Variants in APLP2 observed in about 807,000 individuals in gnomAD.
The protein encoded by APLP2 is CDEI box-binding protein.
A neutral mutation model predicts 89.9 loss-of-function variants in APLP2; 53 were observed. The observed-to-expected ratio is 0.59, with a 90% CI of 0.47 to 0.74. The LOEUF is 0.74. Ranked by LOEUF, APLP2 falls within the 30% of genes least tolerant of loss-of-function variation. APLP2 has a pLI of 0.00. For missense variants in APLP2, 973 were observed against 975.9 expected (o/e 1.00, Z 0.04); for synonymous variants, 372 against 348.6 (o/e 1.07, Z -0.75).
intron 1 of APLP2, among the ~76,000 whole-genome samples, chr11:130,080,851 C>T (rs995937339): frequency 3.3e-5 from 5 of 150,842 alleles, no homozygotes; most frequent in Non-Finnish European, 5.9e-5. Flanking sequence ...TGCCCGCCAC[C>T]GTGCCTGGCT....
intron 1 of APLP2, among the ~76,000 whole-genome samples, chr11:130,073,795 G>A (rs1284897716): frequency 6.6e-6 from 1 of 152,148 alleles, no homozygotes; most frequent in Non-Finnish European, 1.5e-5. Flanking sequence ...TCACACCACT[G>A]CACTCCAGCC....
chr11:130,105,536 A>G (rs1479278494), intron 1 of APLP2, among the ~76,000 whole-genome samples: 8 of 152,146 alleles, frequency 5.3e-5, no homozygotes, highest in Non-Finnish European at 1.2e-4. Context: ...CTCCTCCTCT[A>G]CAAGTTTTAA....
chr11:130,104,910 GCTTC>G lies in APLP2; in HGVS notation c.106-4514_106-4511del, dbSNP rs1035435282. Among the ~76,000 whole-genome samples the G allele has an allele frequency of 6.9e-4, 105 of 152,298 alleles. 2 individuals carry two copies. The highest frequency in any genetic ancestry group is 2.4e-3 in the African/African-American group (99 of 41,558). On this transcript the variant is annotated intron_variant, in intron 1 of 16. Transcript: ENST00000338167. ...TCCCAGCTGTCCAACAAGGGTTGGT[GCTTC>G]CTTCTCTTATACTAGTAGAAAGCAG...
intron 3 of APLP2, among the ~76,000 whole-genome samples, chr11:130,116,671 C>T (rs1211319402): frequency 6.6e-6 from 1 of 151,956 alleles, no homozygotes; most frequent in Non-Finnish European, 1.5e-5. Context: ...GGGGTTTCCC[C>T]ATGTTGGCCA....
chr11:130,088,146 T>C (rs893807755), intron 1 of APLP2, among the ~76,000 whole-genome samples: 17 of 152,200 alleles, frequency 1.1e-4, no homozygotes, highest in South Asian at 8.3e-4. Context: ...TGAATTCAGA[T>C]GGCCCCAAAA....
rs912135386 is a variant in APLP2 at position 130,070,453 on chromosome 11, G to T, written c.105+371G>T. The T allele has an allele frequency of 2.0e-5, 12 of 592,678 alleles. No homozygotes were observed. The Admixed American group carries it at 3.7e-4, about 18-fold the overall frequency. The allele number at this position is 592,678 out of a possible 1,614,324, so 36.7% of individuals were successfully genotyped here. On this transcript the variant is annotated intron_variant, in intron 1 of 16. Transcript: ENST00000338167. The stretch of plus-strand genomic sequence containing the variant: ...AATGCCAGGGCGCTCCTCTCCCGCC[G>T]GAGTCCGCGGCTGGGCTTTCTCCAG...
intron 1 of APLP2, among the ~76,000 whole-genome samples, chr11:130,088,608 G>A (rs1349761873): frequency 6.6e-6 from 1 of 151,792 alleles, no homozygotes; most frequent in Non-Finnish European, 1.5e-5. Context: ...GAGACCTCAG[G>A]CAGTCTAGTC....
intron 1 of APLP2, chr11:130,101,800 C>T (rs1472190400): frequency 2.7e-6 from 1 of 373,058 alleles, no homozygotes; most frequent in Non-Finnish European, 5.3e-6. Flanking sequence ...TGCACTGGCA[C>T]AGCACTGTTA....
At chr11:130,091,828 C>A (rs866188133) in intron 1 of APLP2, among the ~76,000 whole-genome samples, 1 of 149,736 alleles carries the variant, frequency 6.7e-6, no homozygotes, top group African/African-American at 2.5e-5. Flanking sequence ...CTGACCCCCC[C>A]CCACCTCCCT....
intron 13 of APLP2, chr11:130,137,366 C>A: frequency 7.4e-7 from 1 of 1,355,610 alleles, no homozygotes; most frequent in Non-Finnish European, 1.1e-6. Context: ...GCTTCATGTT[C>A]TGTTTCATGC....
chr11:130,138,581 GTTTTT>G (rs34805457), intron 13 of APLP2, among the ~76,000 whole-genome samples: 4 of 91,388 alleles, frequency 4.4e-5, no homozygotes, highest in Non-Finnish European at 6.0e-5. Flanking sequence ...CTGGTGGTAG[GTTTTT>G]TTTTTTTTTT....
intron 1 of APLP2, among the ~76,000 whole-genome samples, chr11:130,084,482 T>C (rs1943772200): frequency 6.6e-6 from 1 of 152,230 alleles, no homozygotes; most frequent in Admixed American, 6.5e-5. Flanking sequence ...TATTGGCTTA[T>C]AGTGTTCTTT....
chr11:130,070,356 CCCGCCCGCGGCG>C (rs962060426), intron 1 of APLP2, among the ~76,000 whole-genome samples: 4 of 151,340 alleles, frequency 2.6e-5, no homozygotes, highest in Non-Finnish European at 5.9e-5. Flanking sequence ...CAGCCCCCAA[CCCGCCCGCGGCG>C]CCGCCACCTC....
intron 7 of APLP2, among the ~76,000 whole-genome samples, chr11:130,126,176 G>A (rs181051382): frequency 4.6e-4 from 70 of 152,264 alleles, no homozygotes; most frequent in South Asian, 1.7e-3. Context: ...TCTACCCAGC[G>A]TATATGCAAA....
chr11:130,076,760 A>G (rs566076470), intron 1 of APLP2, among the ~76,000 whole-genome samples: 1 of 152,320 alleles, frequency 6.6e-6, no homozygotes, highest in Admixed American at 6.5e-5. Flanking sequence ...GAGGAGGAAG[A>G]GATAGTCTCT....
Position 130,141,402 on chromosome 11 carries a change from T to C in APLP2, c.1924-96T>C. ...GGGGTCCCACAGGTACCTGCTTCCTTCCATCAAGCAGCAGGTAGCAGAGGA... is the reference window on the plus strand; with the variant it reads ...GGGGTCCCACAGGTACCTGCTTCCTCCCATCAAGCAGCAGGTAGCAGAGGA... On this transcript the variant is annotated intron_variant, in intron 14 of 16. Transcript: ENST00000338167. This position sits in a 1 kb window ranked among gnomAD's most constrained non-coding sequence, Gnocchi z 4.2. The C allele has an allele frequency of 9.8e-7, 1 of 1,017,116 alleles. No homozygotes were observed. The highest frequency in any genetic ancestry group is 1.4e-5 in the South Asian group (1 of 71,452). The allele number at this position is 1,017,116 out of a possible 1,614,324, so 63.0% of individuals were successfully genotyped here. A position where few individuals can be genotyped will look rare whatever the true frequency, so the allele number is the denominator to read the frequency against.
chr11:130,127,845 GA>G lies in APLP2; in HGVS notation c.1296+6del, dbSNP rs1950548012. 6.2e-7 allele frequency: 1 copy of G among 1,613,274 alleles called. No individual in the cohort carries two copies. Among genetic ancestry groups the G allele is most frequent in the Non-Finnish European group, 8.5e-7 (1 of 1,179,390 alleles). ...GAGAGGCAGACTCTGATTCAGGTAA[GA>G]TGCCTTCTCTGGGGACATAGCTTTC... On this transcript the variant is annotated splice_donor_region_variant and intron_variant, in intron 9 of 16. Transcript: ENST00000338167.
chr11:130,102,839 A>T (rs1189889372), intron 1 of APLP2, among the ~76,000 whole-genome samples: 1 of 152,368 alleles, frequency 6.6e-6, no homozygotes, highest in Non-Finnish European at 1.5e-5. Flanking sequence ...ACTGTTCCCC[A>T]AGCCAAATTA....
chr11:130,090,911 C>T (rs1214310520), intron 1 of APLP2, among the ~76,000 whole-genome samples: 1 of 149,312 alleles, frequency 6.7e-6, no homozygotes, highest in Non-Finnish European at 1.5e-5. Context: ...CCCCCATCTC[C>T]CTCCCGGACG....
Sources: gnomAD v4.1 joint callset for allele counts (sites outside exome capture counted in the v4.1 genomes callset) on GRCh38, gnomAD v4.1.1 for gene constraint, Gnocchi (gnomAD v3.1) non-coding constraint, MANE v1.5 for transcripts, NCBI Gene and HGNC (gene_info 2026-07-23, HGNC 2026-07-21) for gene names.